The following NRXN1 variants were observed in gnomAD, a reference collection of about 807,000 sequenced individuals.
NRXN1 encodes neurexin-1.
In NRXN1, 39 loss-of-function variants were observed where a neutral mutation model predicts 150.9. That is an observed-to-expected ratio of 0.26 (90% CI 0.20 to 0.34). The LOEUF is 0.34. NRXN1 is among the 10% of genes least tolerant of loss of function. NRXN1 has a pLI of 1.00. For synonymous variants in NRXN1, 924 were observed against 757.0 expected (o/e 1.22, Z -3.62); for missense variants, 1,815 against 1,949.9 (o/e 0.93, Z 1.30).
At chr2:50,899,635 TG>T (rs1286761955) in intron 5 of NRXN1, among the ~76,000 whole-genome samples, 2 of 152,178 alleles carry the variant, frequency 1.3e-5, no homozygotes, top group African/African-American at 4.8e-5. Context: ...AGAGTTAATT[TG>T]TTTTTTTCTA....
chr2:50,716,169 T>C (rs1415656145), intron 5 of NRXN1, among the ~76,000 whole-genome samples: 1 of 152,180 alleles, frequency 6.6e-6, no homozygotes, highest in Non-Finnish European at 1.5e-5. Context: ...TCAAAAATAA[T>C]ATTACATTCC....
chr2:51,024,357 C>T (rs561036029), intron 2 of NRXN1, among the ~76,000 whole-genome samples: 195 of 152,076 alleles, frequency 1.3e-3, no homozygotes, highest in Non-Finnish European at 1.7e-3. Context: ...GCCATTTTTA[C>T]GTTTTTTTTT....
intron 5 of NRXN1, among the ~76,000 whole-genome samples, chr2:50,904,938 T>C (rs1328721145): frequency 6.6e-6 from 1 of 152,104 alleles, no homozygotes; most frequent in Non-Finnish European, 1.5e-5. Context: ...TTCAGTTCTT[T>C]CCTTTCACTT....
intron 11 of NRXN1, among the ~76,000 whole-genome samples, chr2:50,530,853 T>A (rs2093082217): frequency 6.6e-6 from 1 of 152,198 alleles, no homozygotes; most frequent in Non-Finnish European, 1.5e-5. Flanking sequence ...TAAGAAGACA[T>A]GCTTTTATTT....
Position 50,346,776 on chromosome 2 carries a change from G to T in NRXN1, c.3365-109806C>A. The stretch of plus-strand genomic sequence containing the variant: ...TGCTGCTGCCATGGAAATGGTGGAT[G>T]TGGTGCGCTCCCAAACTGGATGCCC... On this transcript the variant is annotated intron_variant, in intron 17 of 22. Transcript: ENST00000401669. This position sits in a 1 kb window ranked among gnomAD's most constrained non-coding sequence, Gnocchi z 5.0. The T allele has an allele frequency of 6.2e-7, 1 of 1,613,846 alleles. No homozygotes were observed.
At chr2:50,804,676 T>C (rs187745776) in intron 5 of NRXN1, among the ~76,000 whole-genome samples, 162 of 152,322 alleles carry the variant, frequency 1.1e-3, no homozygotes, top group Non-Finnish European at 1.8e-3. Context: ...ATGAAGAATA[T>C]GCAAAATGTC....
At chr2:50,514,763 G>A (rs746500239) in intron 12 of NRXN1, among the ~76,000 whole-genome samples, 10 of 152,098 alleles carry the variant, frequency 6.6e-5, no homozygotes, top group Non-Finnish European at 8.8e-5. Flanking sequence ...AGATAAACAC[G>A]TATAGATAAT....
chr2:50,276,507 C>G (rs1233239086), intron 17 of NRXN1, among the ~76,000 whole-genome samples: 3 of 152,130 alleles, frequency 2.0e-5, no homozygotes, highest in African/African-American at 7.2e-5. Flanking sequence ...ATTATTAAGT[C>G]TGTGCTAGGA....
chr2:50,436,191 C>T (rs1175233383), intron 17 of NRXN1, among the ~76,000 whole-genome samples: 5 of 152,150 alleles, frequency 3.3e-5, no homozygotes, highest in Non-Finnish European at 7.3e-5. Context: ...TGGTAGCTCA[C>T]GCCTGTAATC....
At position 50,538,483 on chromosome 2, in the gene NRXN1, T is replaced by A; in HGVS notation, c.1913A>T (p.Tyr638Phe). The change falls in exon 10 of 23, where the codon TAT (tyrosine) becomes TTT (phenylalanine). Residue 638 changes from tyrosine (Y) to phenylalanine (F), a missense_variant. Tyr to Phe is a conservative substitution (Grantham distance 22). Transcript: ENST00000401669. ...PTEVWTALLNYGYVGCIRDLF... is the reference protein window; with the variant it reads ...PTEVWTALLNFGYVGCIRDLF... ...ATCCCTGATGCAGCCCACGTAGCCA[T>A]AGTTGAGCAGAGCAGTCCACACCTC... 1 of 1,613,816 alleles carries A rather than the reference T, an allele frequency of 6.2e-7. No homozygotes were observed. The highest frequency in any genetic ancestry group is 8.5e-7 in the Non-Finnish European group (1 of 1,179,814).
At chr2:50,127,366 A>C (rs1704753291) in intron 18 of NRXN1, among the ~76,000 whole-genome samples, 1 of 152,206 alleles carries the variant, frequency 6.6e-6, no homozygotes, top group South Asian at 2.1e-4. Context: ...TATAATCTAA[A>C]ATTTTTAAAA....
At chr2:50,348,586 GC>G (rs761062308) in intron 17 of NRXN1, among the ~76,000 whole-genome samples, 39 of 152,268 alleles carry the variant, frequency 2.6e-4, no homozygotes, top group Non-Finnish European at 5.0e-4. Flanking sequence ...TAAATCTAGT[GC>G]CCCCAAGGGA....
chr2:50,375,834 T>A (rs1461657301), intron 17 of NRXN1, among the ~76,000 whole-genome samples: 1 of 151,778 alleles, frequency 6.6e-6, no homozygotes, highest in Admixed American at 6.6e-5. Context: ...GATCTAAGGG[T>A]ACAAACTAAA....
intron 5 of NRXN1, among the ~76,000 whole-genome samples, chr2:50,704,425 T>C (rs1694163127): frequency 6.6e-6 from 1 of 152,006 alleles, no homozygotes; most frequent in Non-Finnish European, 1.5e-5. Flanking sequence ...TGGAACAGAT[T>C]ACTATTTCAA....
At chr2:50,913,796 C>A (rs1369024935) in intron 5 of NRXN1, among the ~76,000 whole-genome samples, 1 of 151,594 alleles carries the variant, frequency 6.6e-6, no homozygotes, top group African/African-American at 2.4e-5. Context: ...GTGCAATAGG[C>A]ATTTATATAA....
At chr2:50,155,136 C>T (rs909857570) in intron 18 of NRXN1, among the ~76,000 whole-genome samples, 1 of 151,558 alleles carries the variant, frequency 6.6e-6, no homozygotes, top group East Asian at 1.9e-4. Flanking sequence ...TAATGCGATT[C>T]AAGTTTTTTA....
chr2:50,126,882 T>C (rs1056982263), intron 18 of NRXN1, among the ~76,000 whole-genome samples: 2 of 152,126 alleles, frequency 1.3e-5, no homozygotes, highest in Admixed American at 1.3e-4. Context: ...CATTAAATTA[T>C]ATTTAATAAA....
chr2:50,234,711 C>A (rs549008786), intron 18 of NRXN1, among the ~76,000 whole-genome samples: 9 of 151,808 alleles, frequency 5.9e-5, no homozygotes, highest in Non-Finnish European at 1.3e-4. Flanking sequence ...ACACGGTTTA[C>A]GAGCAAGGGA....
At chr2:50,653,696 C>T (rs150817586) in intron 5 of NRXN1, among the ~76,000 whole-genome samples, 12 of 152,008 alleles carry the variant, frequency 7.9e-5, no homozygotes, top group African/African-American at 2.4e-4. Context: ...AATATAATTG[C>T]GTGAAGTATT....
Sources: gnomAD v4.1 joint callset for allele counts (sites outside exome capture counted in the v4.1 genomes callset) on GRCh38, gnomAD v4.1.1 for gene constraint, Gnocchi (gnomAD v3.1) non-coding constraint, MANE v1.5 for transcripts, NCBI Gene and HGNC (gene_info 2026-07-23, HGNC 2026-07-21) for gene names.